MAP7D2: variants seen among roughly 807,000 people sequenced by gnomAD.
MAP7D2 encodes MAP7 domain-containing protein 2.
In MAP7D2, 33 loss-of-function variants were observed where a neutral mutation model predicts 63.5. The ratio of observed to expected loss-of-function variants is 0.52; its 90% CI spans 0.39 to 0.70. The LOEUF (loss-of-function observed/expected upper bound fraction) is 0.70, where lower values mean the gene tolerates loss of function less well. Among genes scored for constraint, MAP7D2 ranks in the 30% least tolerant of loss-of-function variants. MAP7D2 has a pLI of 0.00. For synonymous variants in MAP7D2, 224 were observed against 223.7 expected (o/e 1.00, Z -0.01); for missense variants, 626 against 604.0 (o/e 1.04, Z -0.38).
intron 10 of MAP7D2, among the ~76,000 whole-genome samples, chrX:20,018,440 CTTTTT>C (rs757792186): frequency 2.6e-4 from 20 of 77,411 alleles, no homozygotes; most frequent in Non-Finnish European, 4.2e-4. Context: ...AAATCTTGTC[CTTTTT>C]TTTTTTTTTT....
At chrX:20,083,714 T>C (rs1405959797) in intron 1 of MAP7D2, among the ~76,000 whole-genome samples, 2 of 111,808 alleles carry the variant, frequency 1.8e-5, no homozygotes, top group Admixed American at 1.9e-4. Context: ...CCTTTAAAAA[T>C]AGCAAGCTAC....
rs1311638160 is a variant in MAP7D2, at chrX:20,052,858, A to G, written c.595+20T>C. On this transcript the variant is annotated intron_variant, in intron 5 of 16. Coordinates refer to ENST00000379643, the MANE Select transcript of MAP7D2 (RefSeq NM_001168465.2). ...AGAAAAGAAACAAACTAGAGAGACC[A>G]AGTCTACATGTTCACTTGCCTCGGT... is the stretch of plus-strand genomic sequence containing the variant. The G allele has an allele frequency of 9.0e-7, 1 of 1,116,246 alleles. No individual in the cohort carries two copies. 92.0% of individuals were successfully genotyped at this position (1,116,246 alleles called of 1,213,427 possible).
chrX:20,092,079 A>T (rs1213780553), intron 1 of MAP7D2, among the ~76,000 whole-genome samples: 1 of 111,961 alleles, frequency 8.9e-6, no homozygotes, highest in Admixed American at 9.5e-5. Flanking sequence ...CTAAAGAAAC[A>T]AGCAAAATGT....
chrX:20,083,592 CG>C (rs1478541854), intron 1 of MAP7D2, among the ~76,000 whole-genome samples: 1 of 112,424 alleles, frequency 8.9e-6, no homozygotes, highest in Non-Finnish European at 1.9e-5. Flanking sequence ...TCACAGCAAT[CG>C]GGTTTTGGAT....
intron 1 of MAP7D2, among the ~76,000 whole-genome samples, chrX:20,085,131 G>A (rs1225982216): frequency 2.7e-5 from 3 of 111,694 alleles, no homozygotes; most frequent in Non-Finnish European, 5.6e-5. Context: ...GGCCCTACCA[G>A]GCAAATAAGT....
chrX:20,084,299 CCTT>C (rs1257293784), intron 1 of MAP7D2, among the ~76,000 whole-genome samples: 1 of 110,723 alleles, frequency 9.0e-6, no homozygotes, highest in African/African-American at 3.3e-5. Context: ...AATAAAAAAA[CCTT>C]CTTCACAGTG....
intron 1 of MAP7D2, among the ~76,000 whole-genome samples, chrX:20,104,972 G>C (rs1186773099): frequency 8.9e-6 from 1 of 112,349 alleles, no homozygotes; most frequent in Non-Finnish European, 1.9e-5. Context: ...ATCCCATGGG[G>C]GGCTGTTTTT....
At chrX:20,094,548 A>ATGTG (rs2066190470) in intron 1 of MAP7D2, among the ~76,000 whole-genome samples, 1 of 9,102 alleles carries the variant, frequency 1.1e-4, no homozygotes, top group Non-Finnish European at 1.7e-4. Context: ...ATATGTATAT[A>ATGTG]TATATATATA....
intron 1 of MAP7D2, among the ~76,000 whole-genome samples, chrX:20,099,431 C>T (rs145347919): frequency 1.8e-5 from 2 of 111,794 alleles, no homozygotes; most frequent in East Asian, 5.6e-4. Flanking sequence ...TGCTTATTTG[C>T]ATCAGGATGC....
At chrX:20,087,879 CTTTTTTTTTTTTTTTTTTT>C (rs539620594) in intron 1 of MAP7D2, among the ~76,000 whole-genome samples, 4 of 52,852 alleles carry the variant, frequency 7.6e-5, no homozygotes, top group Non-Finnish European at 1.3e-4. Context: ...AATTTCTTTT[CTTTTTTTTTTTTTTTTTTT>C]TTTTTTTTTT....
intron 1 of MAP7D2, among the ~76,000 whole-genome samples, chrX:20,081,464 C>G (rs961366901): frequency 9.0e-6 from 1 of 111,577 alleles, no homozygotes; most frequent in Non-Finnish European, 1.9e-5. Context: ...AGCTCTTTGT[C>G]TCAAGCTGAT....
intron 1 of MAP7D2, among the ~76,000 whole-genome samples, chrX:20,110,776 G>A (rs1311154855): frequency 1.8e-5 from 2 of 110,563 alleles, no homozygotes; most frequent in Non-Finnish European, 3.8e-5. Context: ...TTCTTGAGAG[G>A]TGCTGGAACA....
intron 12 of MAP7D2, among the ~76,000 whole-genome samples, chrX:20,014,882 A>G (rs1489188717): frequency 4.6e-5 from 5 of 109,837 alleles, no homozygotes; most frequent in African/African-American, 1.7e-4. Flanking sequence ...ACACCCAGCT[A>G]TTTTTTGTAT....
chrX:20,033,777 T>G (rs2074121523), intron 8 of MAP7D2, among the ~76,000 whole-genome samples: 3 of 112,056 alleles, frequency 2.7e-5, no homozygotes, highest in African/African-American at 9.7e-5. Flanking sequence ...AATCACACAC[T>G]TGGTCTGCAC....
chrX:20,047,884 G>T (rs937109167), intron 6 of MAP7D2, among the ~76,000 whole-genome samples: 6 of 108,450 alleles, frequency 5.5e-5, no homozygotes, highest in African/African-American at 2.1e-4. Context: ...AGAAAAAAAA[G>T]ACAGACCTTC....
At position 20,116,906 on chromosome X, in the gene MAP7D2, C is replaced by T; in HGVS notation, c.-27G>A. ...GGGATGCGCCGGCCGCACAGGCGCA[C>T]TGCCAAGCCCGCCGCGCCGCACCGA... is the stretch of plus-strand genomic sequence containing the variant. On this transcript the variant is annotated 5_prime_UTR_variant, in exon 1 of 17. In the 5' UTR this introduces an upstream ATG that the reference lacks. Coordinates refer to ENST00000379643, the MANE Select transcript of MAP7D2 (RefSeq NM_001168465.2). 1 of 1,043,939 alleles carries T rather than the reference C, an allele frequency of 9.6e-7. No individual in the cohort carries two copies. The highest frequency in any genetic ancestry group is 3.0e-5 in the South Asian group (1 of 33,371). 86.0% of individuals were successfully genotyped at this position (1,043,939 alleles called of 1,213,427 possible).
At chrX:20,027,061 G>A (rs749404184) in intron 8 of MAP7D2, among the ~76,000 whole-genome samples, 128 of 112,218 alleles carry the variant, frequency 1.1e-3, no homozygotes, top group African/African-American at 4.0e-3. Flanking sequence ...CTGCTAATAA[G>A]GGGAAATATG....
intron 1 of MAP7D2, among the ~76,000 whole-genome samples, chrX:20,104,098 T>G (rs1249889782): frequency 9.0e-6 from 1 of 111,444 alleles, no homozygotes; most frequent in African/African-American, 3.3e-5. Context: ...TAAAAAGGGT[T>G]AATCTCATCC....
At chrX:20,028,707 C>T (rs1282242949) in intron 8 of MAP7D2, among the ~76,000 whole-genome samples, 1 of 112,013 alleles carries the variant, frequency 8.9e-6, no homozygotes, top group East Asian at 2.8e-4. Context: ...TCTCAAAAGA[C>T]TTGGTCTAGT....
Sources: gnomAD v4.1 joint callset for allele counts (sites outside exome capture counted in the v4.1 genomes callset) on GRCh38, gnomAD v4.1.1 for gene constraint, MANE v1.5 for transcripts, NCBI Gene and HGNC (gene_info 2026-07-23, HGNC 2026-07-21) for gene names.